Variants in MTHFD1L observed in about 807,000 individuals in gnomAD.
MTHFD1L encodes the protein methylenetetrahydrofolate dehydrogenase (NADP+ dependent) 1 like.
In MTHFD1L, 81 loss-of-function variants were observed where a neutral mutation model predicts 119.5. The observed-to-expected ratio is 0.68, with a 90% CI of 0.57 to 0.82. MTHFD1L has a LOEUF of 0.82. Among genes scored for constraint, MTHFD1L ranks in the 40% least tolerant of loss-of-function variants. The pLI is 0.00. For synonymous variants in MTHFD1L, 430 were observed against 475.2 expected (o/e 0.90, Z 1.24); for missense variants, 1,125 against 1,253.4 (o/e 0.90, Z 1.55).
intron 7 of MTHFD1L, among the ~76,000 whole-genome samples, chr6:150,895,612 G>A (rs1583432959): frequency 1.0e-5 from 1 of 97,454 alleles, no homozygotes; most frequent in Non-Finnish European, 2.0e-5. Flanking sequence ...GGTTTTTTGT[G>A]GTTTTTTTTT....
chr6:151,031,325 CTG>C, intron 24 of MTHFD1L, among the ~76,000 whole-genome samples: 1 of 152,364 alleles, frequency 6.6e-6, no homozygotes, highest in East Asian at 1.9e-4. Flanking sequence ...GCTGCCAAGT[CTG>C]TGTGACTGTT....
Position 150,993,694 on chromosome 6 carries a change from C to G in MTHFD1L, c.2126-16125C>G, listed in dbSNP as rs954236477. On this transcript the variant is annotated intron_variant, in intron 20 of 27. Coordinates refer to ENST00000367321, the MANE Select transcript of MTHFD1L (RefSeq NM_015440.5). ...ATAGATCTTGTGCCCCTCCAAAGTG[C>G]CGTAAGTACCGATTTCTGCTGTCTT... Among the ~76,000 whole-genome samples the G allele has an allele frequency of 4.6e-5, 7 of 152,190 alleles. No homozygotes were observed. In the South Asian group the frequency reaches 6.2e-4, roughly 14 times the overall value.
rs1228076007 is a variant in MTHFD1L, at chr6:150,916,403, G to A, written c.893-2174G>A. ...CGCAATCTCCGCCTCCCAGGTTCAA[G>A]CGATTCTCTGCTTCAGCCTCCCTAG... On this transcript the variant is annotated intron_variant, in intron 8 of 27. Coordinates refer to ENST00000367321, the MANE Select transcript of MTHFD1L (RefSeq NM_015440.5). 3.8e-5 allele frequency among the ~76,000 whole-genome samples: 5 copies of A among 133,178 alleles called. No homozygotes were observed. In the East Asian group the frequency reaches 1.3e-3, roughly 34 times the overall value. 87.4% of individuals were successfully genotyped at this position (133,178 alleles called of 152,430 possible). A position where few individuals can be genotyped will look rare whatever the true frequency, so the allele number is the denominator to read the frequency against.
At chr6:151,018,441 G>T (rs1036530573) in intron 24 of MTHFD1L, among the ~76,000 whole-genome samples, 1 of 152,120 alleles carries the variant, frequency 6.6e-6, no homozygotes. Context: ...GTATATGGGC[G>T]CTTTGCACAT....
chr6:151,064,524 A>G (rs1317061426), intron 26 of MTHFD1L, among the ~76,000 whole-genome samples: 1 of 152,112 alleles, frequency 6.6e-6, no homozygotes, highest in Non-Finnish European at 1.5e-5. Flanking sequence ...CATCTTGGCC[A>G]GGCTGTTCTT....
intron 26 of MTHFD1L, among the ~76,000 whole-genome samples, chr6:151,086,336 C>A (rs17080757): frequency 0.33 from 49,465 of 151,838 alleles, 8,413 homozygotes; most frequent in South Asian, 0.58. Context: ...TGATACTGGG[C>A]CATTTATCCT....
At chr6:150,907,299 G>C (rs569219151) in intron 8 of MTHFD1L, among the ~76,000 whole-genome samples, 2 of 152,166 alleles carry the variant, frequency 1.3e-5, no homozygotes, top group East Asian at 3.9e-4. Context: ...TTTTTAATAA[G>C]GTTTCCTTTT....
intron 1 of MTHFD1L, among the ~76,000 whole-genome samples, chr6:150,872,263 T>TGA (rs528595653): frequency 1.2e-3 from 186 of 152,340 alleles, no homozygotes; most frequent in Non-Finnish European, 1.9e-3. Flanking sequence ...ATTCACAGCT[T>TGA]GGCTAACTGT....
intron 26 of MTHFD1L, among the ~76,000 whole-genome samples, chr6:151,043,481 G>A (rs1787461509): frequency 6.6e-6 from 1 of 151,808 alleles, no homozygotes; most frequent in African/African-American, 2.4e-5. Context: ...TGGCCAGGCT[G>A]GTCTCAAACT....
intron 4 of MTHFD1L, among the ~76,000 whole-genome samples, chr6:150,879,265 A>G (rs1780968829): frequency 6.6e-6 from 1 of 152,126 alleles, no homozygotes; most frequent in Non-Finnish European, 1.5e-5. Flanking sequence ...CATTTGCACG[A>G]TACCCACTGT....
intron 27 of MTHFD1L, among the ~76,000 whole-genome samples, chr6:151,094,506 G>A (rs1794727512): frequency 6.6e-6 from 1 of 152,088 alleles, no homozygotes; most frequent in Non-Finnish European, 1.5e-5. Context: ...GGGATTACAG[G>A]TGTGTGCCAC....
At chr6:151,079,269 G>T (rs1002670629) in intron 26 of MTHFD1L, among the ~76,000 whole-genome samples, 2 of 140,746 alleles carry the variant, frequency 1.4e-5, no homozygotes, top group Non-Finnish European at 3.2e-5. Flanking sequence ...AGGATATGAA[G>T]GAGCTAAGTC....
intron 8 of MTHFD1L, among the ~76,000 whole-genome samples, chr6:150,911,078 T>G (rs1786803151): frequency 6.6e-6 from 1 of 152,208 alleles, no homozygotes; most frequent in Non-Finnish European, 1.5e-5. Context: ...ATATTCTAGA[T>G]CTATCCCTGA....
At chr6:151,037,874 C>A (rs976516244) in intron 26 of MTHFD1L, among the ~76,000 whole-genome samples, 1 of 152,176 alleles carries the variant, frequency 6.6e-6, no homozygotes, top group African/African-American at 2.4e-5. Flanking sequence ...TTCTTACAAC[C>A]TAGCAGATCC....
chr6:151,083,284 G>C (rs1461406055), intron 26 of MTHFD1L, among the ~76,000 whole-genome samples: 2 of 151,818 alleles, frequency 1.3e-5, no homozygotes, highest in Admixed American at 6.6e-5. Flanking sequence ...TGCAACCTCT[G>C]CCTCCCAGGT....
intron 4 of MTHFD1L, 104 bp from the exon 5 acceptor site, chr6:150,882,658 T>C (rs1364414920): frequency 8.5e-6 from 7 of 826,156 alleles, no homozygotes; most frequent in Admixed American, 4.1e-5. Flanking sequence ...CAACAAACTA[T>C]AACAGATGCA....
chr6:151,007,752 A>G (rs780942863), intron 20 of MTHFD1L, among the ~76,000 whole-genome samples: 20 of 152,252 alleles, frequency 1.3e-4, no homozygotes, highest in Non-Finnish European at 1.3e-4. Context: ...GCTAAAGTTA[A>G]CAAATGCATT....
intron 20 of MTHFD1L, among the ~76,000 whole-genome samples, chr6:150,990,818 A>G (rs916353557): frequency 6.6e-6 from 1 of 152,068 alleles, no homozygotes; most frequent in African/African-American, 2.4e-5. Flanking sequence ...TGATGTTGGA[A>G]CATTTGACTA....
At chr6:151,024,894 G>C (rs780147157) in intron 24 of MTHFD1L, among the ~76,000 whole-genome samples, 7 of 152,114 alleles carry the variant, frequency 4.6e-5, no homozygotes, top group Non-Finnish European at 1.0e-4. Context: ...AAACAAAACA[G>C]AACACTGTAC....
Sources: gnomAD v4.1 joint callset for allele counts (sites outside exome capture counted in the v4.1 genomes callset) on GRCh38, gnomAD v4.1.1 for gene constraint, MANE v1.5 for transcripts, NCBI Gene and HGNC (gene_info 2026-07-23, HGNC 2026-07-21) for gene names.